The following SLC19A1 variants were observed in gnomAD, a reference collection of about 807,000 sequenced individuals.
The protein encoded by SLC19A1 is reduced folate transporter.
In SLC19A1, 37 loss-of-function variants were observed where a neutral mutation model predicts 35.3. That is an observed-to-expected ratio of 1.05 (90% CI 0.81 to 1.38). The LOEUF is 1.38. SLC19A1 is among the 40% of genes most tolerant of loss of function. The pLI is 0.00. For synonymous variants in SLC19A1, 460 were observed against 398.5 expected, an observed-to-expected ratio of 1.15 and a Z score of -1.84; for missense variants, 831 against 826.9, an observed-to-expected ratio of 1.00 and a Z score of -0.06.
At chr21:45,503,588 A>T (rs1037224690) in intron 3 of SLC19A1, among the ~76,000 whole-genome samples, 1 of 139,612 alleles carries the variant, frequency 7.2e-6, no homozygotes, top group Non-Finnish European at 1.5e-5. Flanking sequence ...CTGAACAATG[A>T]GATCACATGG....
chr21:45,541,376 G>A (rs1421260940), intron 1 of SLC19A1, among the ~76,000 whole-genome samples: 3 of 152,232 alleles, frequency 2.0e-5, no homozygotes, highest in Non-Finnish European at 4.4e-5. Flanking sequence ...TGGGCTGTGC[G>A]GGGATCCTCG....
chr21:45,547,857 T>C (rs946687545), upstream of SLC19A1, among the ~76,000 whole-genome samples: 1 of 152,212 alleles, frequency 6.6e-6, no homozygotes, highest in Admixed American at 6.5e-5. Context: ...ATATTTTACA[T>C]AGTTTGACTC....
chr21:45,512,171 C>A, downstream of SLC19A1: 2 of 1,605,164 alleles, frequency 1.2e-6, no homozygotes, highest in East Asian at 2.3e-5. Context: ...TGACTGACGG[C>A]CCGGCGCGTC....
Position 45,537,940 on chromosome 21 carries a change from G to C in SLC19A1, c.20C>G (p.Ala7Gly). 2 of 1,578,292 alleles carry C rather than the reference G, an allele frequency of 1.3e-6. No homozygotes were observed. Among genetic ancestry groups the C allele is most frequent in the Middle Eastern group, 1.7e-4 (1 of 5,968 alleles). ...TTCCACGGGCACCTGCTTCTCCACC[G>C]CTGGGCTGGAGGGCACCATCCTGCT... Reference protein sequence around the residue: MVPSSPAVEKQVPVEPG... With the variant: MVPSSPGVEKQVPVEPG... The change falls in exon 2 of 6, where the codon GCG (alanine) becomes GGG (glycine). Residue 7 changes from alanine to glycine, a missense_variant. Transcript: ENST00000311124.
At chr21:45,503,750 A>C (rs2037005774) in intron 3 of SLC19A1, among the ~76,000 whole-genome samples, 1 of 152,154 alleles carries the variant, frequency 6.6e-6, no homozygotes, top group Non-Finnish European at 1.5e-5. Context: ...ACTAACCTGC[A>C]CATCATGCAC....
chr21:45,505,036 T>C, intron 3 of SLC19A1: 1 of 1,488,970 alleles, frequency 6.7e-7, no homozygotes, highest in Non-Finnish European at 9.1e-7. Flanking sequence ...GAGGCTGCGC[T>C]CGCCAAGGGG....
chr21:45,519,685 T>A (rs975442605), intron 5 of SLC19A1, among the ~76,000 whole-genome samples: 5 of 148,562 alleles, frequency 3.4e-5, no homozygotes, highest in Non-Finnish European at 5.9e-5. Context: ...CAAATTTCAA[T>A]CCCTAACGTG....
Position 45,537,836 on chromosome 21 carries a change from G to T in SLC19A1, c.124C>A (p.Arg42=), listed in dbSNP as rs930466223. The change falls in exon 2 of 6, where the codon CGG becomes AGG. Residue 42 remains arginine (R), a synonymous_variant. Coordinates refer to ENST00000311124, the MANE Select transcript of SLC19A1 (RefSeq NM_194255.4). ...GGGGTGATGAAGCTCTCCCCTGGCC[G>T]TATCTGCGCCATGAAGCCGTAGAAG... is the stretch of plus-strand genomic sequence containing the variant. ...LCFYGFMAQI[R]PGESFITPYL... is the part of the protein sequence containing the mutation. 6.2e-7 allele frequency: 1 copy of T among 1,606,838 alleles called. No individual in the cohort carries two copies. The highest frequency in any genetic ancestry group is 1.7e-4 in the Middle Eastern group (1 of 6,050).
chr21:45,554,860 T>C (rs184603401), intron 1 of SLC19A1, among the ~76,000 whole-genome samples: 3 of 152,008 alleles, frequency 2.0e-5, no homozygotes, highest in Admixed American at 2.0e-4. Context: ...CCAGATTCAT[T>C]GAGTCCCAGC....
intron 1 of SLC19A1, among the ~76,000 whole-genome samples, chr21:45,550,482 C>G (rs1464581869): frequency 6.6e-6 from 1 of 152,166 alleles, no homozygotes; most frequent in Admixed American, 6.5e-5. Context: ...CTGGAATTTC[C>G]TTGACTACAC....
intron 5 of SLC19A1, among the ~76,000 whole-genome samples, chr21:45,525,290 G>A (rs1266914803): frequency 6.6e-6 from 1 of 152,250 alleles, no homozygotes; most frequent in Admixed American, 6.5e-5. Context: ...GCCCACCATG[G>A]CTGATTCCAG....
intron 5 of SLC19A1, 104 bp from the exon 6 acceptor site, chr21:45,516,244 G>A: frequency 1.1e-6 from 1 of 891,554 alleles, no homozygotes; most frequent in Non-Finnish European, 1.8e-6. Context: ...CCAGCTCAGA[G>A]GCTGACCCTG....
chr21:45,546,001 G>A (rs1238369754), upstream of SLC19A1, among the ~76,000 whole-genome samples: 3 of 152,116 alleles, frequency 2.0e-5, no homozygotes, highest in Non-Finnish European at 2.9e-5. Context: ...CTTTTTCCAC[G>A]AGCTGACCTC....
At chr21:45,554,502 G>A (rs540097813) in intron 1 of SLC19A1, among the ~76,000 whole-genome samples, 81 of 36,734 alleles carry the variant, frequency 2.2e-3, no homozygotes, top group South Asian at 8.4e-3. Flanking sequence ...AATCCCCTGC[G>A]CCCCCATCCC....
At chr21:45,525,246 G>C (rs965012941) in intron 5 of SLC19A1, among the ~76,000 whole-genome samples, 1 of 152,234 alleles carries the variant, frequency 6.6e-6, no homozygotes, top group Non-Finnish European at 1.5e-5. Flanking sequence ...GGCTGGGGCA[G>C]TCCTGAGGAG....
At chr21:45,505,774 T>C in intron 3 of SLC19A1, 1 of 1,265,252 alleles carries the variant, frequency 7.9e-7, no homozygotes, top group Non-Finnish European at 1.1e-6. Context: ...GGGCATTCCT[T>C]CCTTCCGCCC....
Position 45,534,451 on chromosome 21 carries a change from A to T in SLC19A1, c.190-2303T>A. On this transcript the variant is annotated intron_variant, in intron 2 of 5. Coordinates refer to ENST00000311124, the MANE Select transcript of SLC19A1 (RefSeq NM_194255.4). This position sits in a 1 kb window ranked among gnomAD's most constrained non-coding sequence, Gnocchi z 4.2. ...GGTTCTGCCCACAGCCCAGAGTCAAAATGGTAGACAGCCAGCAGAGAGGCT... is the reference window on the plus strand; with the variant it reads ...GGTTCTGCCCACAGCCCAGAGTCAATATGGTAGACAGCCAGCAGAGAGGCT... The T allele has an allele frequency of 9.1e-7, 1 of 1,097,450 alleles. No homozygotes were observed. Among genetic ancestry groups the T allele is most frequent in the Non-Finnish European group, 1.3e-6 (1 of 755,618 alleles). The allele number at this position is 1,097,450 out of a possible 1,614,324, so 68.0% of individuals were successfully genotyped here.
At position 45,517,877 on chromosome 21, in the gene SLC19A1, A is replaced by C. The variant is rs924581539; in HGVS notation, c.1294-1737T>G. 1.3e-5 allele frequency among the ~76,000 whole-genome samples: 2 copies of C among 151,826 alleles called. No homozygotes were observed. Among genetic ancestry groups the C allele is most frequent in the African/African-American group, 2.4e-5 (1 of 41,336 alleles). The stretch of plus-strand genomic sequence containing the variant: ...GAGTGAGAGCCTGGACTTCCACCCC[A>C]CCTGCCTGTAGCGAGGTGCACACCC... On this transcript the variant is annotated intron_variant, in intron 5 of 5. Coordinates refer to ENST00000311124, the MANE Select transcript of SLC19A1 (RefSeq NM_194255.4). The surrounding 1 kb of genome is among the most constrained non-coding windows in gnomAD (Gnocchi z 4.4).
At chr21:45,551,513 G>T (rs1040441795) in intron 1 of SLC19A1, among the ~76,000 whole-genome samples, 15 of 152,284 alleles carry the variant, frequency 9.9e-5, no homozygotes, top group Middle Eastern at 3.4e-3. Context: ...CGTAGGACGT[G>T]ATTTTTGCTT....
Sources: allele counts gnomAD v4.1 joint callset (sites outside exome capture counted in the v4.1 genomes callset), GRCh38; gene constraint gnomAD v4.1.1; non-coding constraint Gnocchi (gnomAD v3.1); transcripts MANE v1.5; gene names NCBI Gene and HGNC (gene_info 2026-07-23, HGNC 2026-07-21).